The following EDIL3 variants were observed in gnomAD, a reference collection of about 807,000 sequenced individuals.
EDIL3 encodes EGF-like repeat and discoidin I-like domain-containing protein 3.
EDIL3 carries 37 observed loss-of-function variants against 67.4 expected under a neutral mutation model. That is an observed-to-expected ratio of 0.55 (90% CI 0.42 to 0.72). The LOEUF is 0.72. Among genes scored for constraint, EDIL3 ranks in the 30% least tolerant of loss-of-function variants. The pLI is 0.00. For missense variants in EDIL3, 527 were observed against 586.3 expected, an observed-to-expected ratio of 0.90 and a Z score of 1.04; for synonymous variants, 195 against 196.3, an observed-to-expected ratio of 0.99 and a Z score of 0.05.
At chr5:84,047,096 G>C (rs1746237618) in intron 9 of EDIL3, among the ~76,000 whole-genome samples, 1 of 152,068 alleles carries the variant, frequency 6.6e-6, no homozygotes, top group Admixed American at 6.5e-5. Context: ...AAAGTATAAA[G>C]TCATTTAAAA....
intron 9 of EDIL3, among the ~76,000 whole-genome samples, chr5:84,030,963 A>G (rs1051835784): frequency 6.6e-6 from 1 of 152,158 alleles, no homozygotes; most frequent in African/African-American, 2.4e-5. Context: ...GGAGGCTGGT[A>G]GTCCAAGATC....
rs1244709511 is a variant in EDIL3 at position 83,941,249 on chromosome 5, A to G, written c.*2170T>C. ...CCGTTGGACATGATGTATTGCGAAGAGCATATAAAGCAGAGGGAAAATGAA... is the reference window on the plus strand; with the variant it reads ...CCGTTGGACATGATGTATTGCGAAGGGCATATAAAGCAGAGGGAAAATGAA... On this transcript the variant is annotated 3_prime_UTR_variant, in exon 11 of 11. Coordinates refer to ENST00000296591, the MANE Select transcript of EDIL3 (RefSeq NM_005711.5). 6.6e-6 allele frequency: 1 copy of G among 152,072 alleles called. No homozygotes were observed. The highest frequency in any genetic ancestry group is 1.9e-4 in the East Asian group (1 of 5,186). The allele number at this position is 152,072 out of a possible 1,614,324, so 9.4% of individuals were successfully genotyped here.
chr5:83,984,624 G>C (rs1017118787), intron 9 of EDIL3, among the ~76,000 whole-genome samples: 3 of 152,050 alleles, frequency 2.0e-5, no homozygotes, highest in African/African-American at 7.2e-5. Flanking sequence ...TAGGACTCTG[G>C]GAGGTGAACC....
At chr5:84,180,255 G>C (rs1748991610) in intron 4 of EDIL3, 138 bp downstream of exon 4, 1 of 905,640 alleles carries the variant, frequency 1.1e-6, no homozygotes, top group African/African-American at 1.7e-5. Flanking sequence ...GTATTCCATG[G>C]GAGAGAAGCA....
At chr5:84,246,701 T>A (rs1358116698) in intron 2 of EDIL3, among the ~76,000 whole-genome samples, 1 of 152,208 alleles carries the variant, frequency 6.6e-6, no homozygotes, top group Non-Finnish European at 1.5e-5. Flanking sequence ...GAGTGGCTTT[T>A]GGTACTCAAT....
At chr5:84,347,100 C>T (rs1488535502) in intron 1 of EDIL3, among the ~76,000 whole-genome samples, 1 of 152,150 alleles carries the variant, frequency 6.6e-6, no homozygotes, top group South Asian at 2.1e-4. Context: ...CCCAGGTAAG[C>T]CTTGACTTCT....
intron 1 of EDIL3, among the ~76,000 whole-genome samples, chr5:84,360,710 T>C (rs1180842733): frequency 1.3e-5 from 2 of 152,108 alleles, no homozygotes; most frequent in African/African-American, 2.4e-5. Flanking sequence ...TTATCACATA[T>C]TGGCATGGCA....
intron 9 of EDIL3, among the ~76,000 whole-genome samples, chr5:83,981,501 T>A (rs1744969847): frequency 6.6e-6 from 1 of 152,088 alleles, no homozygotes; most frequent in Admixed American, 6.6e-5. Context: ...TTGTTTTTGC[T>A]TCTTAAATAT....
At chr5:84,123,664 A>G (rs752534081) in intron 5 of EDIL3, among the ~76,000 whole-genome samples, 4 of 151,956 alleles carry the variant, frequency 2.6e-5, no homozygotes, top group Non-Finnish European at 5.9e-5. Flanking sequence ...CATGATTTTT[A>G]TAGGTTTTTA....
At chr5:84,160,184 A>G (rs933403136) in intron 4 of EDIL3, among the ~76,000 whole-genome samples, 1 of 152,202 alleles carries the variant, frequency 6.6e-6, no homozygotes, top group African/African-American at 2.4e-5. Context: ...CTCTGTCAAT[A>G]CATGAGGTAA....
intron 2 of EDIL3, among the ~76,000 whole-genome samples, chr5:84,230,790 T>TGTGTGTGTGTGTGC (rs1271201331): frequency 6.6e-6 from 1 of 151,932 alleles, no homozygotes; most frequent in Non-Finnish European, 1.5e-5. Flanking sequence ...TGTGTGTGTG[T>TGTGTGTGTGTGTGC]GTGTGTGTGA....
intron 1 of EDIL3, among the ~76,000 whole-genome samples, chr5:84,328,553 C>T (rs1437860010): frequency 6.6e-6 from 1 of 152,000 alleles, no homozygotes; most frequent in Non-Finnish European, 1.5e-5. Context: ...TAGAAGGGTC[C>T]TATGCCTAGG....
At chr5:83,974,352 G>C (rs1475734946) in intron 9 of EDIL3, among the ~76,000 whole-genome samples, 1 of 151,768 alleles carries the variant, frequency 6.6e-6, no homozygotes, top group Non-Finnish European at 1.5e-5. Flanking sequence ...GCCCAGGTCA[G>C]CAGAGAGTTT....
chr5:84,132,516 T>TA lies in EDIL3; in HGVS notation c.469+4724_469+4725insT, dbSNP rs1491194534. On this transcript the variant is annotated intron_variant, in intron 5 of 10. Coordinates refer to ENST00000296591, the MANE Select transcript of EDIL3 (RefSeq NM_005711.5). ...TTATATATTTTATATATAATATATATTTTAATATATATTATATATTTTATA... is the reference window on the plus strand; with the variant it reads ...TTATATATTTTATATATAATATATATATTTAATATATATTATATATTTTATA... Among the ~76,000 whole-genome samples the TA allele has an allele frequency of 6.7e-4, 51 of 76,184 alleles. 1 individual carries two copies. In the East Asian group the frequency reaches 0.014, roughly 21 times the overall value. 50.0% of individuals were successfully genotyped at this position (76,184 alleles called of 152,430 possible).
intron 4 of EDIL3, among the ~76,000 whole-genome samples, chr5:84,150,405 G>A (rs183333270): frequency 1.3e-5 from 2 of 152,138 alleles, no homozygotes; most frequent in Non-Finnish European, 2.9e-5. Context: ...TAAAGAACTT[G>A]TATATACAAC....
chr5:83,976,682 C>T (rs1744882521), intron 9 of EDIL3, among the ~76,000 whole-genome samples: 1 of 151,680 alleles, frequency 6.6e-6, no homozygotes, highest in Non-Finnish European at 1.5e-5. Context: ...TCGACAATAC[C>T]TATGTTAACC....
At chr5:84,146,822 T>A (rs1477780800) in intron 4 of EDIL3, among the ~76,000 whole-genome samples, 1 of 152,148 alleles carries the variant, frequency 6.6e-6, no homozygotes, top group Non-Finnish European at 1.5e-5. Context: ...CCTATAGAAT[T>A]AAAATTTTGT....
At chr5:84,121,733 C>G (rs1387672995) in intron 5 of EDIL3, among the ~76,000 whole-genome samples, 5 of 152,038 alleles carry the variant, frequency 3.3e-5, no homozygotes, top group African/African-American at 4.8e-5. Flanking sequence ...GCTCATGCCT[C>G]TGTCCTTTTC....
At chr5:84,315,055 C>T (rs1272149013) in intron 1 of EDIL3, among the ~76,000 whole-genome samples, 2 of 152,048 alleles carry the variant, frequency 1.3e-5, no homozygotes, top group Non-Finnish European at 2.9e-5. Context: ...ACAGAAGTTA[C>T]AGTGATGACT....
Sources: gnomAD v4.1 joint callset for allele counts (sites outside exome capture counted in the v4.1 genomes callset) on GRCh38, gnomAD v4.1.1 for gene constraint, MANE v1.5 for transcripts, NCBI Gene and HGNC (gene_info 2026-07-23, HGNC 2026-07-21) for gene names.